Variants in SLC24A2 observed in about 807,000 individuals in gnomAD.
SLC24A2 encodes solute carrier family 24 member 2.
A neutral mutation model predicts 62.0 loss-of-function variants in SLC24A2; 36 were observed. The observed-to-expected ratio is 0.58, with a 90% CI of 0.44 to 0.77. The LOEUF is 0.77. SLC24A2 is among the 30% of genes least tolerant of loss of function. The probability of loss-of-function intolerance (pLI) is 0.00; values close to 1 mark genes in which losing one functional copy is unlikely to be tolerated. For missense variants in SLC24A2, 846 were observed against 817.9 expected (o/e 1.03, Z -0.42); for synonymous variants, 358 against 294.0 (o/e 1.22, Z -2.23).
chr9:20,164,638 A>T, the SLC24A2 span, among the ~76,000 whole-genome samples: 18 of 151,790 alleles, frequency 1.2e-4, no homozygotes, highest in African/African-American at 3.9e-4. Flanking sequence ...TACTGGGTAT[A>T]TACCCAAAGG....
At chr9:20,000,717 C>T in the SLC24A2 span, among the ~76,000 whole-genome samples, 2 of 152,092 alleles carry the variant, frequency 1.3e-5, no homozygotes, top group Admixed American at 6.6e-5. Flanking sequence ...TGATTTTGAA[C>T]TAAAGAATGG....
At chr9:20,011,187 T>G in the SLC24A2 span, among the ~76,000 whole-genome samples, 2 of 152,176 alleles carry the variant, frequency 1.3e-5, no homozygotes, top group African/African-American at 4.8e-5. Context: ...ATTGCCACAC[T>G]GTCTTCCACA....
chr9:20,231,777 C>T, the SLC24A2 span, among the ~76,000 whole-genome samples: 208 of 151,808 alleles, frequency 1.4e-3, no homozygotes, highest in Non-Finnish European at 2.3e-3. Context: ...CTATGTTGAA[C>T]AGGAGTGGTG....
chr9:20,203,018 T>C, the SLC24A2 span, among the ~76,000 whole-genome samples: 4 of 152,184 alleles, frequency 2.6e-5, no homozygotes, highest in Non-Finnish European at 5.9e-5. Flanking sequence ...ATATTGCTTA[T>C]TAGCAAAATT....
At chr9:20,141,105 T>C in the SLC24A2 span, among the ~76,000 whole-genome samples, 6 of 152,168 alleles carry the variant, frequency 3.9e-5, no homozygotes, top group African/African-American at 7.2e-5. Flanking sequence ...CCGCCCACCA[T>C]GTAGTGGCTG....
At chr9:19,969,186 CA>C in the SLC24A2 span, among the ~76,000 whole-genome samples, 1 of 132,234 alleles carries the variant, frequency 7.6e-6, no homozygotes, top group Admixed American at 7.9e-5. Context: ...TCCTTTGCCA[CA>C]CACACACACA....
the SLC24A2 span, among the ~76,000 whole-genome samples, chr9:20,229,138 T>C: frequency 6.6e-6 from 1 of 152,168 alleles, no homozygotes; most frequent in Non-Finnish European, 1.5e-5. Flanking sequence ...GTTTTTTCCA[T>C]TCATCACAGC....
chr9:19,622,516 C>T (rs937620473), intron 2 of SLC24A2, among the ~76,000 whole-genome samples: 1 of 152,080 alleles, frequency 6.6e-6, no homozygotes, highest in Non-Finnish European at 1.5e-5. Flanking sequence ...CCTGAAAGGT[C>T]AAAGTTGAAT....
At chr9:19,901,020 A>G in the SLC24A2 span, among the ~76,000 whole-genome samples, 8 of 152,344 alleles carry the variant, frequency 5.3e-5, no homozygotes, top group African/African-American at 1.4e-4. Context: ...GAATTTCAGC[A>G]TTCTTTTTTC....
At chr9:20,295,907 A>G in the SLC24A2 span, among the ~76,000 whole-genome samples, 3 of 152,266 alleles carry the variant, frequency 2.0e-5, no homozygotes, top group African/African-American at 4.8e-5. Flanking sequence ...CTTCTTATAT[A>G]TCTAAATCTA....
At position 19,516,074 on chromosome 9, in the gene SLC24A2, T is replaced by G; in HGVS notation, c.*79A>C. On this transcript the variant is annotated 3_prime_UTR_variant, in exon 11 of 11. Coordinates refer to ENST00000341998, the MANE Select transcript of SLC24A2 (RefSeq NM_020344.4). ...CCAGGGCTGTGTGCCAGCTGCCTCT[T>G]CTCAAGAGGTCAAGGAGCCCAGAGC... 6.3e-7 allele frequency: 1 copy of G among 1,582,568 alleles called. No homozygotes were observed. The highest frequency in any genetic ancestry group is 8.7e-7 in the Non-Finnish European group (1 of 1,152,380).
At chr9:19,913,591 A>T in the SLC24A2 span, among the ~76,000 whole-genome samples, 1 of 152,148 alleles carries the variant, frequency 6.6e-6, no homozygotes, top group Non-Finnish European at 1.5e-5. Context: ...AGAAAGATAG[A>T]GATGGAGTAG....
the SLC24A2 span, among the ~76,000 whole-genome samples, chr9:20,087,455 C>G: frequency 6.6e-6 from 1 of 152,164 alleles, no homozygotes; most frequent in African/African-American, 2.4e-5. Context: ...ATCTCAGCCT[C>G]AAAATTAGAC....
chr9:19,901,825 C>T, the SLC24A2 span, among the ~76,000 whole-genome samples: 2 of 151,560 alleles, frequency 1.3e-5, no homozygotes, highest in Non-Finnish European at 2.9e-5. Flanking sequence ...CTAGCCAAAG[C>T]TGTGGTTATG....
chr9:19,578,358 CAAAAAAA>C (rs3085616), intron 5 of SLC24A2, among the ~76,000 whole-genome samples: 8 of 135,640 alleles, frequency 5.9e-5, no homozygotes, highest in East Asian at 2.2e-4. Context: ...TGCAATAAGC[CAAAAAAA>C]AAAAAAAAAA....
At chr9:19,943,258 G>A in the SLC24A2 span, among the ~76,000 whole-genome samples, 1 of 145,602 alleles carries the variant, frequency 6.9e-6, no homozygotes, top group Non-Finnish European at 1.5e-5. Flanking sequence ...CTCATTTAAA[G>A]TTGTATGATG....
the SLC24A2 span, among the ~76,000 whole-genome samples, chr9:20,205,649 T>TAAAAAAAA: frequency 3.5e-4 from 23 of 65,336 alleles, no homozygotes; most frequent in African/African-American, 1.3e-3. Flanking sequence ...AGACTCCATC[T>TAAAAAAAA]AAAAAAAAAA....
At chr9:19,863,763 A>G in the SLC24A2 span, among the ~76,000 whole-genome samples, 2 of 151,960 alleles carry the variant, frequency 1.3e-5, no homozygotes, top group African/African-American at 4.8e-5. Flanking sequence ...AAAAACTTCA[A>G]ATAAACAACC....
At chr9:20,037,196 C>G in the SLC24A2 span, among the ~76,000 whole-genome samples, 1 of 152,112 alleles carries the variant, frequency 6.6e-6, no homozygotes, top group Admixed American at 6.6e-5. Context: ...CTGCACCTGG[C>G]CTATATTTTA....
Sources: gnomAD v4.1 joint callset for allele counts (sites outside exome capture counted in the v4.1 genomes callset) on GRCh38, gnomAD v4.1.1 for gene constraint, MANE v1.5 for transcripts, NCBI Gene and HGNC (gene_info 2026-07-23, HGNC 2026-07-21) for gene names.